HIVEP1: variants seen among roughly 807,000 people sequenced by gnomAD.
HIVEP1 encodes the protein HIVEP zinc finger 1, also known as zinc finger protein 40.
Under a neutral mutation model 180.0 loss-of-function variants are expected in HIVEP1, and 36 were observed. That is an observed-to-expected ratio of 0.20 (90% CI 0.15 to 0.26). The LOEUF is 0.26. Among genes scored for constraint, HIVEP1 ranks in the 10% least tolerant of loss-of-function variants. The pLI is 1.00. For missense variants in HIVEP1, 3,143 were observed against 3,268.7 expected, an observed-to-expected ratio of 0.96 and a Z score of 0.94; for synonymous variants, 1,239 against 1,239.0, an observed-to-expected ratio of 1.00 and a Z score of 0.00.
At chr6:12,210,285 A>T in the HIVEP1 span, among the ~76,000 whole-genome samples, 16 of 152,224 alleles carry the variant, frequency 1.1e-4, no homozygotes, top group Non-Finnish European at 1.6e-4. Flanking sequence ...ATTACAAAGC[A>T]CGTTATGCCT....
chr6:12,078,074 C>T (rs374021172), intron 2 of HIVEP1, among the ~76,000 whole-genome samples: 26 of 152,262 alleles, frequency 1.7e-4, no homozygotes, highest in Middle Eastern at 3.4e-3. Flanking sequence ...AAGAAGAATG[C>T]ATATGGCAAG....
intron 3 of HIVEP1, among the ~76,000 whole-genome samples, chr6:12,091,122 A>G (rs1264826409): frequency 6.6e-6 from 1 of 152,168 alleles, no homozygotes; most frequent in East Asian, 1.9e-4. Context: ...CTCTTTAACA[A>G]CATGAAAAGT....
chr6:12,034,116 GTAGT>G (rs1365508390), intron 2 of HIVEP1, among the ~76,000 whole-genome samples: 1 of 152,218 alleles, frequency 6.6e-6, no homozygotes, highest in Non-Finnish European at 1.5e-5. Flanking sequence ...CAGAATTGCT[GTAGT>G]TAAATAATGG....
the HIVEP1 span, among the ~76,000 whole-genome samples, chr6:12,207,136 G>A: frequency 6.6e-6 from 1 of 152,196 alleles, no homozygotes; most frequent in Non-Finnish European, 1.5e-5. Context: ...CATTCCTGAT[G>A]AGTTAAGATT....
chr6:12,178,836 A>C, the HIVEP1 span, among the ~76,000 whole-genome samples: 1 of 152,200 alleles, frequency 6.6e-6, no homozygotes, highest in Non-Finnish European at 1.5e-5. Flanking sequence ...ATTGTGAAGA[A>C]CCTAAATGCC....
chr6:12,016,872 C>T (rs1767789493), intron 2 of HIVEP1, among the ~76,000 whole-genome samples: 1 of 152,104 alleles, frequency 6.6e-6, no homozygotes, highest in Non-Finnish European at 1.5e-5. Context: ...GCCTCCAGAC[C>T]CAAGGGTACC....
chr6:12,071,767 T>C lies in HIVEP1; in HGVS notation c.41-17417T>C, dbSNP rs143017198. Among the ~76,000 whole-genome samples, 792 of 152,330 alleles carry C rather than the reference T, an allele frequency of 5.2e-3. 5 individuals are homozygous for C. Among genetic ancestry groups the C allele is most frequent in the Non-Finnish European group, 6.1e-3 (418 of 68,020 alleles). On this transcript the variant is annotated intron_variant, in intron 2 of 8. Coordinates refer to ENST00000379388, the MANE Select transcript of HIVEP1 (RefSeq NM_002114.4). Reference sequence around the variant, plus strand: ...TTTTCAGAAATAATGTGAAATAATTTAATATTACTAAGATTTAGGGTTGTA... The same window carrying C: ...TTTTCAGAAATAATGTGAAATAATTCAATATTACTAAGATTTAGGGTTGTA...
At chr6:12,105,123 T>G (rs1292567516) in intron 3 of HIVEP1, among the ~76,000 whole-genome samples, 1 of 152,244 alleles carries the variant, frequency 6.6e-6, no homozygotes, top group East Asian at 1.9e-4. Flanking sequence ...CTAGGAGAAC[T>G]GACAATCTAA....
At chr6:12,062,502 A>G (rs1771305453) in intron 2 of HIVEP1, among the ~76,000 whole-genome samples, 1 of 152,178 alleles carries the variant, frequency 6.6e-6, no homozygotes, top group African/African-American at 2.4e-5. Flanking sequence ...TTCAGCAAGG[A>G]AGCCAAAATT....
At chr6:12,161,343 T>C in intron 7 of HIVEP1, 96 bp from the exon 8 acceptor site, 2 of 1,181,862 alleles carry the variant, frequency 1.7e-6, no homozygotes, top group Non-Finnish European at 2.4e-6. Context: ...TCTTTTATAA[T>C]CCTTGCAGAG....
At chr6:12,032,352 C>T (rs1044227625) in intron 2 of HIVEP1, among the ~76,000 whole-genome samples, 3 of 151,962 alleles carry the variant, frequency 2.0e-5, no homozygotes, top group African/African-American at 7.3e-5. Flanking sequence ...CTGTGTTAGC[C>T]AGGATGGTCT....
the HIVEP1 span, among the ~76,000 whole-genome samples, chr6:12,177,174 G>A: frequency 2.6e-5 from 4 of 151,566 alleles, no homozygotes; most frequent in Non-Finnish European, 5.9e-5. Context: ...AGGGTGGAGG[G>A]TGGGAGGAGG....
At chr6:12,061,520 A>G (rs1162643656) in intron 2 of HIVEP1, among the ~76,000 whole-genome samples, 1 of 152,192 alleles carries the variant, frequency 6.6e-6, no homozygotes, top group Admixed American at 6.5e-5. Context: ...GAAAGTTAGA[A>G]GATTTTTTTC....
In HIVEP1 at chr6:12,163,519, T is replaced by C. The variant is rs1277804015; in HGVS notation, c.7215T>C (p.His2405=). The change falls in exon 9 of 9, where the codon CAT becomes CAC. Residue 2405 remains histidine (H), a synonymous_variant. Coordinates refer to ENST00000379388, the MANE Select transcript of HIVEP1 (RefSeq NM_002114.4). ...ATATGGTTCCAGTTGGGGGGATCCA[T>C]GTGGTACCTGCTGGCCTCACATACT... ...PYNMVPVGGI[H]VVPAGLTYST... 2 of 1,614,204 alleles carry C rather than the reference T, an allele frequency of 1.2e-6. No homozygotes were observed. The highest frequency in any genetic ancestry group is 1.7e-6 in the Non-Finnish European group (2 of 1,180,036).
At chr6:12,172,314 C>G in the HIVEP1 span, among the ~76,000 whole-genome samples, 4 of 151,912 alleles carry the variant, frequency 2.6e-5, no homozygotes, top group African/African-American at 9.7e-5. Context: ...TTTTGAGGTG[C>G]TAGATTGTTA....
chr6:12,020,466 AC>A (rs1327928172), intron 2 of HIVEP1: 15 of 470,742 alleles, frequency 3.2e-5, no homozygotes, highest in African/African-American at 3.0e-4. Flanking sequence ...ATCATTCCTT[AC>A]TCATCGCTGC....
chr6:12,013,538 T>C (rs1312051031), intron 1 of HIVEP1, among the ~76,000 whole-genome samples: 1 of 152,194 alleles, frequency 6.6e-6, no homozygotes, highest in Non-Finnish European at 1.5e-5. Context: ...AATGTGCATA[T>C]TTTACATTTA....
At chr6:12,194,361 CAGAG>C in the HIVEP1 span, among the ~76,000 whole-genome samples, 7 of 147,688 alleles carry the variant, frequency 4.7e-5, no homozygotes, top group Admixed American at 1.4e-4. Flanking sequence ...AAGGAGAGTA[CAGAG>C]AGAGAGAGAG....
intron 2 of HIVEP1, among the ~76,000 whole-genome samples, chr6:12,088,029 A>G (rs990797706): frequency 6.6e-6 from 1 of 151,596 alleles, no homozygotes; most frequent in East Asian, 1.9e-4. Flanking sequence ...AGTTGGATCA[A>G]TATGCAATTG....
Sources: allele counts gnomAD v4.1 joint callset (sites outside exome capture counted in the v4.1 genomes callset), GRCh38; gene constraint gnomAD v4.1.1; transcripts MANE v1.5; gene names NCBI Gene and HGNC (gene_info 2026-07-23, HGNC 2026-07-21).